Variants in ATP6V1B2 observed in about 807,000 individuals in gnomAD.
ATP6V1B2 encodes ATPase H+ transporting V1 subunit B2.
In ATP6V1B2, 23 loss-of-function variants were observed where a neutral mutation model predicts 66.7. The ratio of observed to expected loss-of-function variants is 0.34; its 90% CI spans 0.25 to 0.49. ATP6V1B2 has a LOEUF of 0.49. Ranked by LOEUF, ATP6V1B2 falls within the 20% of genes least tolerant of loss-of-function variation. The probability of loss-of-function intolerance (pLI) is 0.99; values close to 1 mark genes in which losing one functional copy is unlikely to be tolerated. For missense variants in ATP6V1B2, 478 were observed against 650.8 expected, an observed-to-expected ratio of 0.73 and a Z score of 2.89; for synonymous variants, 278 against 236.7, an observed-to-expected ratio of 1.17 and a Z score of -1.60.
chr8:20,217,998 T>C (rs1418278251), intron 12 of ATP6V1B2, among the ~76,000 whole-genome samples, 155 bp from the exon 13 acceptor site: 1 of 152,220 alleles, frequency 6.6e-6, no homozygotes, highest in East Asian at 1.9e-4. Context: ...AATATAGTCC[T>C]TCTGGTACTT....
chr8:20,211,406 T>C, intron 6 of ATP6V1B2, 90 bp downstream of exon 6: 1 of 1,505,708 alleles, frequency 6.6e-7, no homozygotes, highest in Non-Finnish European at 8.9e-7. Flanking sequence ...TAAAGGGTTT[T>C]CAAAATAAAT....
Position 20,220,350 on chromosome 8 carries a change from TC to T in ATP6V1B2, c.1487del (p.Pro496LeufsTer60). 6.2e-7 allele frequency: 1 copy of T among 1,600,240 alleles called. No homozygotes were observed. Among genetic ancestry groups the T allele is most frequent in the East Asian group, 2.3e-5 (1 of 43,982 alleles). The stretch of plus-strand genomic sequence containing the variant: ...TTCCCCAAAGAAATGCTGAAGAGAA[TC>T]CCTCAGAGCACCCTCAGCGAATTTT... ...RIFPKEMLKRIPQSTLSEFYP... is the reference protein window; with the variant it reads ...RIFPKEMLKRXPQSTLSEFYP... On this transcript the variant is annotated frameshift_variant, in exon 14 of 14. Transcript: ENST00000276390. LOFTEE classifies it high-confidence loss of function.
chr8:20,212,756 G>A (rs774046781), intron 8 of ATP6V1B2, 26 bp from the exon 9 acceptor site: 1 of 1,609,896 alleles, frequency 6.2e-7, no homozygotes, highest in Admixed American at 1.7e-5. Context: ...GGTTTGAGTG[G>A]CCTAAGACTT....
At position 20,204,485 on chromosome 8, in the gene ATP6V1B2, A is replaced by G. The variant is rs757961145; in HGVS notation, c.138A>G (p.Thr46=). 7 of 1,612,148 alleles carry G rather than the reference A, an allele frequency of 4.3e-6. No homozygotes were observed. Among genetic ancestry groups the G allele is most frequent in the South Asian group, 2.2e-5 (2 of 91,024 alleles). Residue 46 remains threonine, a splice_region_variant and synonymous_variant, in exon 2 of 14, where the codon ACA becomes ACG. Coordinates refer to ENST00000276390, the MANE Select transcript of ATP6V1B2 (RefSeq NM_001693.4). ...TGACTCTTCTGTATTTCTTTCCAGC[A>G]TACAAGACAGTATCTGGAGTCAATG... ...SRNYLSQPRL[T]YKTVSGVNGP...
chr8:20,208,709 C>CT (rs201825705), intron 2 of ATP6V1B2, among the ~76,000 whole-genome samples: 49,590 of 134,012 alleles, frequency 0.37, 9,709 homozygotes, highest in East Asian at 0.65. Flanking sequence ...TAGTAACTTT[C>CT]TTTTTTTTTT....
At chr8:20,197,831 C>G (rs962607075) in intron 1 of ATP6V1B2, among the ~76,000 whole-genome samples, 3 of 152,182 alleles carry the variant, frequency 2.0e-5, no homozygotes, top group Admixed American at 1.3e-4. Flanking sequence ...CTGGAGCCTT[C>G]TTAGGCACTT....
intron 9 of ATP6V1B2, chr8:20,213,198 C>T: frequency 5.9e-6 from 2 of 338,454 alleles, no homozygotes; most frequent in South Asian, 2.7e-5. Context: ...CAGTTACTCT[C>T]TCGGGAAGTT....
At chr8:20,201,311 T>G (rs559467446) in intron 1 of ATP6V1B2, among the ~76,000 whole-genome samples, 1 of 152,148 alleles carries the variant, frequency 6.6e-6, no homozygotes, top group East Asian at 1.9e-4. Flanking sequence ...TACAAATGGG[T>G]TTTTTCCTGT....
At chr8:20,218,769 T>G (rs760422387) in intron 13 of ATP6V1B2, among the ~76,000 whole-genome samples, 1 of 152,162 alleles carries the variant, frequency 6.6e-6, no homozygotes, top group Non-Finnish European at 1.5e-5. Flanking sequence ...TGCTGTGGGC[T>G]CTATGATGTG....
chr8:20,209,354 T>C, intron 2 of ATP6V1B2, 79 bp from the exon 3 acceptor site: 1 of 1,385,612 alleles, frequency 7.2e-7, no homozygotes, highest in South Asian at 1.2e-5. Flanking sequence ...AGACACAACA[T>C]GGGAGAGACA....
Position 20,221,405 on chromosome 8 carries a change from G to A in ATP6V1B2, c.*1003G>A, listed in dbSNP as rs1249503355. 2.6e-5 allele frequency: 4 copies of A among 152,584 alleles called. No homozygotes were observed. Among genetic ancestry groups the A allele is most frequent in the Non-Finnish European group, 5.9e-5 (4 of 68,042 alleles). The allele number at this position is 152,584 out of a possible 1,614,324, so 9.5% of individuals were successfully genotyped here. ...GGTAATCTTTGTGGCACAAACGATA[G>A]CATTTCCAAGCTTTAGAGTTTTCTG... On this transcript the variant is annotated 3_prime_UTR_variant, in exon 14 of 14. Transcript: ENST00000276390.
At chr8:20,201,232 G>C (rs1191940864) in intron 1 of ATP6V1B2, among the ~76,000 whole-genome samples, 1 of 152,074 alleles carries the variant, frequency 6.6e-6, no homozygotes, top group African/African-American at 2.4e-5. Flanking sequence ...ACACACCTAC[G>C]GGCTCAAATT....
At position 20,210,725 on chromosome 8, in the gene ATP6V1B2, T is replaced by G. The variant is rs929506055; in HGVS notation, c.463+79T>G. The G allele has an allele frequency of 1.2e-5, 15 of 1,218,374 alleles. No homozygotes were observed. In the African/African-American group the frequency reaches 2.1e-4, roughly 17 times the overall value. 75.5% of individuals were successfully genotyped at this position (1,218,374 alleles called of 1,614,324 possible). On this transcript the variant is annotated intron_variant, in intron 5 of 13. Transcript: ENST00000276390. ...TTGTACCTTTGCCAGATAGAGAGTGTTTTTTGTGATATCACTTAAAGTAGA... is the reference window on the plus strand; with the variant it reads ...TTGTACCTTTGCCAGATAGAGAGTGGTTTTTGTGATATCACTTAAAGTAGA...
Position 20,216,413 on chromosome 8 carries a change from AT to A in ATP6V1B2, c.1080del (p.Asp360GlufsTer9). ...QIPILTMPNDDITHPIPDLTG... is the reference protein window; with the variant it reads ...QIPILTMPNDXITHPIPDLTG... Reference sequence around the variant, plus strand: ...AATGCCAACTGTCTTCCTCTGGTAGATATCACTCACCCCATCCCAGACTTGA... The same window carrying A: ...AATGCCAACTGTCTTCCTCTGGTAGAATCACTCACCCCATCCCAGACTTGA... On this transcript the variant is annotated frameshift_variant and splice_region_variant, in exon 11 of 14. Coordinates refer to ENST00000276390, the MANE Select transcript of ATP6V1B2 (RefSeq NM_001693.4). LOFTEE classifies it high-confidence loss of function. 1 of 1,611,492 alleles carries A rather than the reference AT, an allele frequency of 6.2e-7. No individual in the cohort carries two copies. The highest frequency in any genetic ancestry group is 8.5e-7 in the Non-Finnish European group (1 of 1,177,904).
rs746431723 is a variant in ATP6V1B2, at chr8:20,197,430, G to A, written c.24G>A (p.Gly8=). The A allele has an allele frequency of 2.6e-6, 4 of 1,546,876 alleles. No individual in the cohort carries two copies. Among genetic ancestry groups the A allele is most frequent in the Non-Finnish European group, 3.5e-6 (4 of 1,147,994 alleles). The change falls in exon 1 of 14, where the codon GGG becomes GGA. Residue 8 remains glycine, a synonymous_variant. Transcript: ENST00000276390. Reference sequence around the variant, plus strand: ...AGATGGCGCTGCGGGCGATGCGGGGGATTGTCAACGGGGCCGCACCCGAGC... The same window carrying A: ...AGATGGCGCTGCGGGCGATGCGGGGAATTGTCAACGGGGCCGCACCCGAGC... MALRAMR[G]IVNGAAPELP...
At chr8:20,206,053 A>G (rs1394906427) in intron 2 of ATP6V1B2, among the ~76,000 whole-genome samples, 2 of 152,254 alleles carry the variant, frequency 1.3e-5, no homozygotes, top group African/African-American at 2.4e-5. Context: ...AATAAGGAAT[A>G]TAACAAACTT....
At chr8:20,215,154 G>T in intron 10 of ATP6V1B2, 186 bp downstream of exon 10, 1 of 640,288 alleles carries the variant, frequency 1.6e-6, no homozygotes, top group South Asian at 3.2e-5. Context: ...TGGAGGAAAA[G>T]CAATTTTCTT....
intron 7 of ATP6V1B2, 119 bp downstream of exon 7, chr8:20,211,872 C>T: frequency 1.1e-6 from 1 of 915,358 alleles, no homozygotes; most frequent in Non-Finnish European, 1.6e-6. Context: ...TGCAATCTGG[C>T]ATTTTGGCCA....
At chr8:20,208,709 CTTT>C (rs201825705) in intron 2 of ATP6V1B2, among the ~76,000 whole-genome samples, 2 of 134,100 alleles carry the variant, frequency 1.5e-5, no homozygotes, top group Non-Finnish European at 3.2e-5. Context: ...TAGTAACTTT[CTTT>C]TTTTTTTTTT....
Sources: allele counts gnomAD v4.1 joint callset (sites outside exome capture counted in the v4.1 genomes callset), GRCh38; gene constraint gnomAD v4.1.1; transcripts MANE v1.5; gene names NCBI Gene and HGNC (gene_info 2026-07-23, HGNC 2026-07-21).